Variants in FAAH2 observed in about 807,000 individuals in gnomAD.
FAAH2 encodes fatty-acid amide hydrolase 2.
FAAH2 carries 60 observed loss-of-function variants against 36.9 expected under a neutral mutation model. The observed-to-expected ratio is 1.63, with a 90% CI of 1.32 to 2.02. FAAH2 has a LOEUF of 2.02. Among genes scored for constraint, FAAH2 ranks in the 30% most tolerant of loss-of-function variants. The pLI is 0.00. For missense variants in FAAH2, 689 were observed against 397.5 expected, an observed-to-expected ratio of 1.73 and a Z score of -6.23; for synonymous variants, 214 against 143.8, an observed-to-expected ratio of 1.49 and a Z score of -3.49.
the FAAH2 span, among the ~76,000 whole-genome samples, chrX:57,157,191 A>G: frequency 9.0e-6 from 1 of 111,509 alleles, no homozygotes; most frequent in African/African-American, 3.3e-5. Flanking sequence ...GAGCTGCACT[A>G]TGTGGAATTG....
chrX:57,447,374 G>A (rs1360576130), intron 9 of FAAH2, among the ~76,000 whole-genome samples: 1 of 111,296 alleles, frequency 9.0e-6, no homozygotes, highest in Non-Finnish European at 1.9e-5. Context: ...TCTGGGGTCT[G>A]GAGGACAGTG....
At chrX:57,290,693 C>A (rs1400829349) in intron 1 of FAAH2, among the ~76,000 whole-genome samples, 1 of 110,890 alleles carries the variant, frequency 9.0e-6, no homozygotes, top group East Asian at 2.8e-4. Context: ...TAAATTTTAT[C>A]TTGATCTTGT....
chrX:57,153,333 C>G, the FAAH2 span, among the ~76,000 whole-genome samples: 1 of 112,068 alleles, frequency 8.9e-6, no homozygotes, highest in African/African-American at 3.2e-5. Flanking sequence ...AATTCTGTAT[C>G]TTTGAAGTGG....
At chrX:57,274,603 A>G in the FAAH2 span, among the ~76,000 whole-genome samples, 1 of 112,231 alleles carries the variant, frequency 8.9e-6, no homozygotes, top group South Asian at 3.7e-4. Flanking sequence ...GGTTCAACAT[A>G]TGCAAATCAA....
chrX:57,272,654 C>T, the FAAH2 span, among the ~76,000 whole-genome samples: 1 of 112,033 alleles, frequency 8.9e-6, no homozygotes, highest in South Asian at 3.7e-4. Context: ...TCTAGCCAAA[C>T]TAAGCTTCAT....
At chrX:57,367,401 A>G (rs1250475522) in intron 5 of FAAH2, among the ~76,000 whole-genome samples, 1 of 112,532 alleles carries the variant, frequency 8.9e-6, no homozygotes, top group Admixed American at 9.4e-5. Context: ...ACTGCTAGTC[A>G]TTGTATTCTT....
At chrX:57,275,454 C>T in the FAAH2 span, among the ~76,000 whole-genome samples, 1 of 112,052 alleles carries the variant, frequency 8.9e-6, no homozygotes, top group Non-Finnish European at 1.9e-5. Flanking sequence ...CAACCAGTAC[C>T]AGCCACTGCA....
chrX:57,461,363 C>G (rs762991227), intron 10 of FAAH2, among the ~76,000 whole-genome samples: 2 of 111,587 alleles, frequency 1.8e-5, no homozygotes, highest in East Asian at 5.7e-4. Flanking sequence ...CTTCCTAACA[C>G]CACGTAGCAC....
chrX:57,427,222 G>A (rs1159661010), intron 7 of FAAH2, among the ~76,000 whole-genome samples: 1 of 110,500 alleles, frequency 9.0e-6, no homozygotes, highest in African/African-American at 3.3e-5. Context: ...TCAGAAATGA[G>A]TACTGAGATT....
intron 7 of FAAH2, among the ~76,000 whole-genome samples, chrX:57,429,672 A>G (rs2067123796): frequency 8.9e-6 from 1 of 111,996 alleles, no homozygotes; most frequent in Admixed American, 9.5e-5. Flanking sequence ...CAATAATTCC[A>G]CTACTGGTTA....
chrX:57,154,025 C>T, the FAAH2 span, among the ~76,000 whole-genome samples: 1 of 111,964 alleles, frequency 8.9e-6, no homozygotes, highest in African/African-American at 3.2e-5. Flanking sequence ...TTAAGATAAT[C>T]CCAAACTTCT....
At position 57,427,638 on chromosome X, in the gene FAAH2, G is replaced by T. The variant is rs767156294; in HGVS notation, c.997-4280G>T. Among the ~76,000 whole-genome samples the T allele has an allele frequency of 5.4e-5, 6 of 111,020 alleles. No homozygotes were observed. The South Asian group carries it at 2.2e-3, about 41-fold the overall frequency. The stretch of plus-strand genomic sequence containing the variant: ...ATAAAAGTAATTCACCACATAAACA[G>T]AATTAAAAGCAAAAGCCATATGATC... On this transcript the variant is annotated intron_variant, in intron 7 of 10. Transcript: ENST00000374900.
At chrX:57,419,685 G>A (rs1326638519) in intron 7 of FAAH2, among the ~76,000 whole-genome samples, 1 of 111,692 alleles carries the variant, frequency 9.0e-6, no homozygotes, top group Non-Finnish European at 1.9e-5. Context: ...TCACTCTGAT[G>A]GTAGTTTCTT....
chrX:57,461,238 T>G (rs1377121398), intron 10 of FAAH2, among the ~76,000 whole-genome samples: 1 of 111,126 alleles, frequency 9.0e-6, no homozygotes, highest in African/African-American at 3.3e-5. Context: ...CAATATTAGA[T>G]GGATCAATGA....
At chrX:57,417,959 G>A (rs761144136) in intron 7 of FAAH2, among the ~76,000 whole-genome samples, 4 of 111,680 alleles carry the variant, frequency 3.6e-5, no homozygotes, top group East Asian at 5.7e-4. Context: ...ACGCAGTCTG[G>A]CTACAGTGGT....
At chrX:57,382,730 C>A (rs1439304304) in intron 7 of FAAH2, among the ~76,000 whole-genome samples, 1 of 111,332 alleles carries the variant, frequency 9.0e-6, no homozygotes, top group Non-Finnish European at 1.9e-5. Flanking sequence ...GATTCACAGC[C>A]AAATTCTACC....
chrX:57,237,632 A>T, the FAAH2 span, among the ~76,000 whole-genome samples: 1 of 111,462 alleles, frequency 9.0e-6, no homozygotes, highest in Non-Finnish European at 1.9e-5. Context: ...TGCAACAAAA[A>T]CAAAAATTGA....
the FAAH2 span, among the ~76,000 whole-genome samples, chrX:57,154,933 C>T: frequency 9.1e-6 from 1 of 110,415 alleles, no homozygotes; most frequent in Non-Finnish European, 1.9e-5. Flanking sequence ...CTGTAGTGAT[C>T]GTTATTTCTC....
the FAAH2 span, among the ~76,000 whole-genome samples, chrX:57,147,753 C>A: frequency 5.4e-5 from 6 of 111,680 alleles, no homozygotes; most frequent in East Asian, 1.7e-3. Flanking sequence ...TTTATAGGTT[C>A]TTTCACTATT....
Sources: gnomAD v4.1 joint callset for allele counts (sites outside exome capture counted in the v4.1 genomes callset) on GRCh38, gnomAD v4.1.1 for gene constraint, MANE v1.5 for transcripts, NCBI Gene and HGNC (gene_info 2026-07-23, HGNC 2026-07-21) for gene names.